Variants in ANKRD36C observed in about 807,000 individuals in gnomAD.
ANKRD36C encodes the protein ankyrin repeat domain-containing protein 36C.
A neutral mutation model predicts 276.4 loss-of-function variants in ANKRD36C; 61 were observed. The observed-to-expected ratio is 0.22, with a 90% CI of 0.18 to 0.27. The LOEUF (loss-of-function observed/expected upper bound fraction) is 0.27, where lower values mean the gene tolerates loss of function less well. Ranked by LOEUF, ANKRD36C falls within the 10% of genes least tolerant of loss-of-function variation. The pLI, the probability that ANKRD36C is intolerant of heterozygous loss-of-function variation, is 1.00. For synonymous variants in ANKRD36C, 483 were observed against 680.1 expected, an observed-to-expected ratio of 0.71 and a Z score of 4.51; for missense variants, 1,447 against 2,032.3, an observed-to-expected ratio of 0.71 and a Z score of 5.54.
chr2:95,875,245 G>T (rs1200345474), intron 59 of ANKRD36C, among the ~76,000 whole-genome samples: 1 of 152,002 alleles, frequency 6.6e-6, no homozygotes, highest in Non-Finnish European at 1.5e-5. Context: ...GTTTATTGCG[G>T]CACTATTCAC....
exon 64 of ANKRD36C, chr2:95,853,843 G>T (rs1341521511): frequency 6.2e-7 from 1 of 1,608,400 alleles, no homozygotes. Flanking sequence ...TGTTTTTGTT[G>T]AAGCTGTCTC....
chr2:95,849,962 AC>A (rs1675254784), downstream of ANKRD36C, among the ~76,000 whole-genome samples: 1 of 152,116 alleles, frequency 6.6e-6, no homozygotes, highest in Non-Finnish European at 1.5e-5. Flanking sequence ...GGGGTTGGGG[AC>A]CCCTGCTATA....
At chr2:95,928,688 T>A (rs889609017) in intron 26 of ANKRD36C, among the ~76,000 whole-genome samples, 1 of 151,504 alleles carries the variant, frequency 6.6e-6, no homozygotes, top group African/African-American at 2.4e-5. Context: ...GTTATTAGGA[T>A]CACTTTTCCC....
chr2:95,881,313 A>G (rs1676072817), intron 56 of ANKRD36C, among the ~76,000 whole-genome samples: 1 of 152,218 alleles, frequency 6.6e-6, no homozygotes, highest in Non-Finnish European at 1.5e-5. Context: ...CCCCATCAAA[A>G]AGTATAATAA....
In ANKRD36C at chr2:95,891,561, A is replaced by G. The variant is rs1306846326; in HGVS notation, c.2857+104T>C. ...AAATGAAGAATCTCAGGACTGCTGT[A>G]TCAGAATGTGCAGCTTCAACGAACC... is the stretch of plus-strand genomic sequence containing the variant. On this transcript the variant is annotated intron_variant, in intron 46 of 66. Coordinates refer to ENST00000456556, the Ensembl canonical transcript of ANKRD36C. The G allele has an allele frequency of 2.2e-6, 3 of 1,368,352 alleles. No individual in the cohort carries two copies. The South Asian group carries it at 4.0e-5, about 18-fold the overall frequency. The allele number at this position is 1,368,352 out of a possible 1,614,324, so 84.8% of individuals were successfully genotyped here.
chr2:95,880,465 G>A (rs1236352666), exon 58 of ANKRD36C: 4 of 1,555,312 alleles, frequency 2.6e-6, no homozygotes, highest in Admixed American at 1.9e-5. Context: ...TTTGGTGGCT[G>A]TATTCAGAAC....
intron 38 of ANKRD36C, among the ~76,000 whole-genome samples, chr2:95,915,507 C>A (rs1395679945): frequency 6.6e-6 from 1 of 151,492 alleles, no homozygotes; most frequent in Non-Finnish European, 1.5e-5. Flanking sequence ...TCTTTTCCCA[C>A]CTTCCTGCCT....
At chr2:95,885,628 G>C (rs1676182434) in intron 52 of ANKRD36C, among the ~76,000 whole-genome samples, 1 of 151,840 alleles carries the variant, frequency 6.6e-6, no homozygotes, top group African/African-American at 2.4e-5. Flanking sequence ...CAGTGATCTT[G>C]TTTGTTCTCA....
At chr2:95,980,692 A>G in exon 5 of ANKRD36C, 1 of 1,612,824 alleles carries the variant, frequency 6.2e-7, no homozygotes, top group Non-Finnish European at 8.5e-7. Flanking sequence ...CAAGCTTTCC[A>G]TACACATCTC....
intron 26 of ANKRD36C, among the ~76,000 whole-genome samples, chr2:95,927,821 C>T (rs1304281953): frequency 1.3e-5 from 2 of 151,610 alleles, no homozygotes; most frequent in African/African-American, 2.4e-5. Context: ...AAACGTTCAT[C>T]ATGCCCTTTA....
chr2:95,890,259 A>G (rs559038128), intron 46 of ANKRD36C, among the ~76,000 whole-genome samples: 33 of 151,630 alleles, frequency 2.2e-4, no homozygotes, highest in African/African-American at 8.0e-4. Flanking sequence ...GTCAATATCA[A>G]TGTCGATATG....
intron 62 of ANKRD36C, among the ~76,000 whole-genome samples, chr2:95,856,736 C>T (rs955198170): frequency 2.4e-4 from 37 of 152,100 alleles, no homozygotes; most frequent in South Asian, 4.1e-4. Context: ...CACTTTTACA[C>T]GCACAAATCA....
At chr2:95,966,125 C>T (rs1267987213) in intron 6 of ANKRD36C, among the ~76,000 whole-genome samples, 1 of 152,036 alleles carries the variant, frequency 6.6e-6, no homozygotes, top group Non-Finnish European at 1.5e-5. Context: ...TCAGAGGTAC[C>T]CCACACACAC....
chr2:95,989,116 A>G (rs956260141), intron 1 of ANKRD36C, among the ~76,000 whole-genome samples: 3 of 152,190 alleles, frequency 2.0e-5, no homozygotes, highest in African/African-American at 4.8e-5. Flanking sequence ...GCAGTGAGCC[A>G]AGATCATGCC....
chr2:95,942,115 G>C (rs570512620), intron 19 of ANKRD36C, among the ~76,000 whole-genome samples: 6 of 152,394 alleles, frequency 3.9e-5, no homozygotes, highest in Admixed American at 6.5e-5. Flanking sequence ...GGACTTAGAA[G>C]ACTGATCTGG....
chr2:95,857,622 G>T lies in ANKRD36C; in HGVS notation c.3897-130C>A, dbSNP rs1675448884. The T allele has an allele frequency of 4.4e-6, 3 of 683,856 alleles. No homozygotes were observed. The African/African-American group carries it at 5.4e-5, about 12-fold the overall frequency. The allele number at this position is 683,856 out of a possible 1,614,324, so 42.4% of individuals were successfully genotyped here. A position where few individuals can be genotyped will look rare whatever the true frequency, so the allele number is the denominator to read the frequency against. On this transcript the variant is annotated intron_variant, in intron 61 of 66. Coordinates refer to ENST00000456556, the Ensembl canonical transcript of ANKRD36C. ...ACAAACCATGGATTCTCATCAGATGGGTTTTATTTGACCCTGTATATTGTG... is the reference window on the plus strand; with the variant it reads ...ACAAACCATGGATTCTCATCAGATGTGTTTTATTTGACCCTGTATATTGTG...
chr2:95,946,155 G>GTAAAAA (rs1230144709), intron 17 of ANKRD36C, among the ~76,000 whole-genome samples: 2 of 20,298 alleles, frequency 9.9e-5, no homozygotes, highest in Non-Finnish European at 1.7e-4. Flanking sequence ...GACAGAGAGA[G>GTAAAAA]GAAAAAAAAA....
intron 40 of ANKRD36C, among the ~76,000 whole-genome samples, chr2:95,912,742 T>A (rs1001468708): frequency 1.2e-4 from 18 of 151,558 alleles, no homozygotes; most frequent in South Asian, 6.2e-4. Context: ...TGATCTAAAA[T>A]CAGAGGAGCA....
Position 95,915,857 on chromosome 2 carries a change from TGAA to T in ANKRD36C, c.2449+120_2449+122del, listed in dbSNP as rs1677077175. 1.1e-5 allele frequency: 15 copies of T among 1,332,198 alleles called. No homozygotes were observed. In the South Asian group the frequency reaches 1.8e-4, roughly 16 times the overall value. The allele number at this position is 1,332,198 out of a possible 1,614,324, so 82.5% of individuals were successfully genotyped here. On this transcript the variant is annotated intron_variant, in intron 38 of 66. Transcript: ENST00000456556. Reference sequence around the variant, plus strand: ...GCGTAACCCAAGAACTTATTAGAAATGAAGAATCTCAGGCCTGTTGAATCAGAA... The same window carrying T: ...GCGTAACCCAAGAACTTATTAGAAATGAATCTCAGGCCTGTTGAATCAGAA...
Sources: allele counts gnomAD v4.1 joint callset (sites outside exome capture counted in the v4.1 genomes callset), GRCh38; gene constraint gnomAD v4.1.1; transcripts MANE v1.5; gene names NCBI Gene and HGNC (gene_info 2026-07-23, HGNC 2026-07-21).